Variants in RANBP17 observed in about 807,000 individuals in gnomAD.
RANBP17 encodes the protein ran-binding protein 17.
Under a neutral mutation model 141.2 loss-of-function variants are expected in RANBP17, and 158 were observed. The ratio of observed to expected loss-of-function variants is 1.12; its 90% CI spans 0.98 to 1.28. The LOEUF (loss-of-function observed/expected upper bound fraction) is 1.28. RANBP17 is among the 50% of genes most tolerant of loss of function. The pLI is 0.00. For missense variants in RANBP17, 1,438 were observed against 1,290.7 expected, an observed-to-expected ratio of 1.11 and a Z score of -1.75; for synonymous variants, 430 against 450.0, an observed-to-expected ratio of 0.96 and a Z score of 0.56.
chr5:171,017,082 A>T (rs540533712), intron 14 of RANBP17, among the ~76,000 whole-genome samples: 8 of 152,296 alleles, frequency 5.3e-5, no homozygotes, highest in Admixed American at 5.2e-4. Context: ...AAAGGACATT[A>T]TCTCATTCCT....
At chr5:170,965,831 A>G (rs906318187) in intron 13 of RANBP17, among the ~76,000 whole-genome samples, 6 of 152,106 alleles carry the variant, frequency 3.9e-5, no homozygotes, top group Non-Finnish European at 7.4e-5. Context: ...GTCAGGTAGC[A>G]TGATGCCTCC....
intron 25 of RANBP17, among the ~76,000 whole-genome samples, chr5:171,290,148 C>T (rs1212944334): frequency 6.6e-6 from 1 of 152,058 alleles, no homozygotes; most frequent in African/African-American, 2.4e-5. Context: ...GCAGGTGGAT[C>T]ACGAGGTCAG....
At chr5:171,124,506 A>T (rs1581686312) in intron 14 of RANBP17, among the ~76,000 whole-genome samples, 1 of 152,316 alleles carries the variant, frequency 6.6e-6, no homozygotes, top group East Asian at 1.9e-4. Flanking sequence ...AGACTTCCAG[A>T]TACAGGAAAC....
Position 171,028,445 on chromosome 5 carries a change from T to G in RANBP17, c.1710+60068T>G, listed in dbSNP as rs577970193. ...TAAGTTAACCTCTGTAAGATATATA[T>G]TCTTATAAATCACTGCTAGCATAGC... is the stretch of plus-strand genomic sequence containing the variant. On this transcript the variant is annotated intron_variant, in intron 14 of 27. Coordinates refer to ENST00000523189, the MANE Select transcript of RANBP17 (RefSeq NM_022897.5). Among the ~76,000 whole-genome samples the G allele has an allele frequency of 2.0e-5, 3 of 152,278 alleles. No individual in the cohort carries two copies. In the South Asian group the frequency reaches 6.2e-4, roughly 32 times the overall value.
At chr5:171,294,281 CAGG>C (rs1427960435) in intron 26 of RANBP17, among the ~76,000 whole-genome samples, 2 of 152,136 alleles carry the variant, frequency 1.3e-5, no homozygotes, top group Admixed American at 1.3e-4. Context: ...CCCCTGATTC[CAGG>C]AGAATTCTGA....
intron 14 of RANBP17, among the ~76,000 whole-genome samples, chr5:170,974,046 G>C (rs1289323773): frequency 6.6e-6 from 1 of 152,156 alleles, no homozygotes; most frequent in East Asian, 1.9e-4. Context: ...CAAAGTGCAT[G>C]TCCTTCTCAT....
chr5:171,176,260 G>T (rs1035091035), intron 16 of RANBP17, among the ~76,000 whole-genome samples: 1 of 151,894 alleles, frequency 6.6e-6, no homozygotes, highest in Non-Finnish European at 1.5e-5. Context: ...GTCACTTGAT[G>T]ACCATGAAAA....
chr5:170,911,319 T>A, intron 7 of RANBP17, 185 bp downstream of exon 7: 1 of 603,044 alleles, frequency 1.7e-6, no homozygotes, highest in Admixed American at 3.0e-5. Flanking sequence ...TATAGTAACT[T>A]CTATATTTTG....
chr5:171,033,134 G>A (rs973990259), intron 14 of RANBP17, among the ~76,000 whole-genome samples: 2 of 140,800 alleles, frequency 1.4e-5, no homozygotes, highest in Non-Finnish European at 3.0e-5. Context: ...TGGAATCTGT[G>A]TTTTTCCTGT....
chr5:170,974,118 G>C (rs768389251), intron 14 of RANBP17, among the ~76,000 whole-genome samples: 10 of 152,110 alleles, frequency 6.6e-5, no homozygotes, highest in Admixed American at 6.6e-4. Context: ...CCTACAATCA[G>C]CTCCAAAGTC....
At chr5:171,010,264 TG>T (rs1384897998) in intron 14 of RANBP17, among the ~76,000 whole-genome samples, 8 of 152,288 alleles carry the variant, frequency 5.3e-5, no homozygotes, top group South Asian at 4.1e-4. Context: ...TAGAGGAACT[TG>T]GTAAATGCCT....
At chr5:171,231,383 C>T (rs1173071526) in intron 22 of RANBP17, among the ~76,000 whole-genome samples, 2 of 152,074 alleles carry the variant, frequency 1.3e-5, no homozygotes, top group Non-Finnish European at 2.9e-5. Context: ...GAAAAGTATA[C>T]CAGTTCTTGG....
intron 14 of RANBP17, among the ~76,000 whole-genome samples, chr5:171,137,598 G>GTGTGTC (rs1757384758): frequency 7.0e-6 from 1 of 143,484 alleles, no homozygotes; most frequent in East Asian, 2.2e-4. Flanking sequence ...GTGTGTGTGT[G>GTGTGTC]TGTGTGTCTG....
intron 3 of RANBP17, among the ~76,000 whole-genome samples, chr5:170,882,291 A>G (rs1424265249): frequency 6.6e-6 from 1 of 152,116 alleles, no homozygotes; most frequent in African/African-American, 2.4e-5. Flanking sequence ...CATGTTGGCC[A>G]GGATAGTCTT....
At position 171,031,544 on chromosome 5, in the gene RANBP17, C is replaced by T. The variant is rs145113851; in HGVS notation, c.1710+63167C>T. Among the ~76,000 whole-genome samples, 495 of 152,076 alleles carry T rather than the reference C, an allele frequency of 3.3e-3. 2 individuals carry two copies. The highest frequency in any genetic ancestry group is 0.011 in the African/African-American group (464 of 41,538). Reference sequence around the variant, plus strand: ...AATTGGGGTTTCTTTTCTTCATTCTCCCTTTCCAGTTAGGATTTGATTGCA... The same window carrying T: ...AATTGGGGTTTCTTTTCTTCATTCTTCCTTTCCAGTTAGGATTTGATTGCA... On this transcript the variant is annotated intron_variant, in intron 14 of 27. Coordinates refer to ENST00000523189, the MANE Select transcript of RANBP17 (RefSeq NM_022897.5).
chr5:171,205,750 CAGCACAGTGGCAGCAGAGCAGATAACTG>C (rs1210162950), intron 20 of RANBP17, 138 bp downstream of exon 20: 1 of 736,748 alleles, frequency 1.4e-6, no homozygotes, highest in Non-Finnish European at 2.4e-6. Context: ...CTAAAAATTA[CAGCACAGTGGCAGCAGAGCAGATAACTG>C]AGCACAGTAT....
intron 25 of RANBP17, among the ~76,000 whole-genome samples, chr5:171,292,541 T>A (rs533758443): frequency 1.3e-5 from 2 of 152,280 alleles, no homozygotes; most frequent in East Asian, 3.9e-4. Context: ...ACCAACTGTG[T>A]TCCAAACAAG....
Position 170,922,462 on chromosome 5 carries a change from G to T in RANBP17, c.1275-1895G>T, listed in dbSNP as rs73315540. Reference sequence around the variant, plus strand: ...AGGTGGAATCTACAGAGGCTGAGCTGCGGTGGGCTCTGCCCAGTCTGTGCT... The same window carrying T: ...AGGTGGAATCTACAGAGGCTGAGCTTCGGTGGGCTCTGCCCAGTCTGTGCT... On this transcript the variant is annotated intron_variant, in intron 11 of 27. Transcript: ENST00000523189. Among the ~76,000 whole-genome samples the T allele has an allele frequency of 8.5e-3, 1,291 of 152,296 alleles. 17 individuals carry two copies. The highest frequency in any genetic ancestry group is 0.028 in the African/African-American group (1,176 of 41,562).
At chr5:170,900,628 C>T (rs538017823) in intron 5 of RANBP17, among the ~76,000 whole-genome samples, 17 of 152,222 alleles carry the variant, frequency 1.1e-4, no homozygotes, top group Non-Finnish European at 2.2e-4. Context: ...GAGGTCTTTC[C>T]AGCTTTCTGG....
Sources: gnomAD v4.1 joint callset for allele counts (sites outside exome capture counted in the v4.1 genomes callset) on GRCh38, gnomAD v4.1.1 for gene constraint, MANE v1.5 for transcripts, NCBI Gene and HGNC (gene_info 2026-07-23, HGNC 2026-07-21) for gene names.